ABR: variants seen among roughly 807,000 people sequenced by gnomAD.
ABR encodes ABR activator of RhoGEF and GTPase, also known as active breakpoint cluster region-related protein.
ABR carries 35 observed loss-of-function variants against 107.2 expected under a neutral mutation model. That is an observed-to-expected ratio of 0.33 (90% CI 0.25 to 0.43). The LOEUF (loss-of-function observed/expected upper bound fraction) is 0.43, where lower values mean the gene tolerates loss of function less well. ABR is among the 20% of genes least tolerant of loss of function. The pLI is 1.00. For missense variants in ABR, 815 were observed against 1,115.2 expected (o/e 0.73, Z 3.83); for synonymous variants, 498 against 462.0 (o/e 1.08, Z -1.00).
chr17:1,091,343 G>A (rs1367666887), intron 4 of ABR, among the ~76,000 whole-genome samples: 1 of 151,984 alleles, frequency 6.6e-6, no homozygotes, highest in East Asian at 1.9e-4. Flanking sequence ...GGGAGAAGGA[G>A]CACCCTCCGG....
At chr17:1,193,482 G>A (rs964204636) in intron 1 of ABR, among the ~76,000 whole-genome samples, 18 of 152,132 alleles carry the variant, frequency 1.2e-4, no homozygotes, top group African/African-American at 3.9e-4. Context: ...AGTTCACACT[G>A]CTAGTGAGTG....
At chr17:1,133,242 C>T (rs1002273413) in intron 1 of ABR, among the ~76,000 whole-genome samples, 7 of 104,902 alleles carry the variant, frequency 6.7e-5, no homozygotes, top group South Asian at 3.4e-4. Flanking sequence ...AACTCCGTCT[C>T]GAAAAAAAAA....
chr17:1,164,903 A>AT (rs1302986053), intron 1 of ABR, among the ~76,000 whole-genome samples: 3 of 152,286 alleles, frequency 2.0e-5, no homozygotes, highest in African/African-American at 7.2e-5. Context: ...CCTGGCCTCA[A>AT]GTGATCCTCC....
rs141654026 is a variant in ABR at position 1,102,200 on chromosome 17, C to T, written c.247-1465G>A. ...CTCCCCCACACGCAGGAGAACCAGC[C>T]TCCTCATCTTCAAAGGTCTCTAGCT... is the stretch of plus-strand genomic sequence containing the variant. On this transcript the variant is annotated intron_variant, in intron 2 of 22. Coordinates refer to ENST00000302538, the MANE Select transcript of ABR (RefSeq NM_021962.5). 2.5e-3 allele frequency among the ~76,000 whole-genome samples: 381 copies of T among 152,268 alleles called. 5 individuals are homozygous for T. Among genetic ancestry groups the T allele is most frequent in the Admixed American group, 0.02 (307 of 15,288 alleles).
At chr17:1,006,833 A>G (rs2070079161) in intron 22 of ABR, among the ~76,000 whole-genome samples, 1 of 32,792 alleles carries the variant, frequency 3.0e-5, no homozygotes, top group African/African-American at 1.5e-4. Context: ...GGGCGGTGCC[A>G]GGGTACCTGC....
At position 1,220,108 on chromosome 17, in the gene ABR, G is replaced by A. The variant is rs549112882; in HGVS notation, c.838+8685C>T. On this transcript the variant is annotated intron_variant, in intron 1 of 22. Transcript: ENST00000574139. ...AGATCGACACCAGCCTGGCCAACAT[G>A]GTGAAATCCCATCTCTACTCAAAAT... Among the ~76,000 whole-genome samples the A allele has an allele frequency of 6.6e-5, 10 of 152,028 alleles. 1 individual carries two copies. The highest frequency in any genetic ancestry group is 6.2e-4 in the South Asian group (3 of 4,812).
intron 5 of ABR, 43 bp downstream of exon 5, chr17:1,083,477 A>C (rs552393682): frequency 6.8e-7 from 1 of 1,475,562 alleles, no homozygotes; most frequent in East Asian, 2.3e-5. Context: ...GCAGCCCCCA[A>C]AGCTCCTTGT....
At chr17:1,100,831 A>AT (rs915084311) in intron 2 of ABR, 96 bp from the exon 3 acceptor site, 8,196 of 1,033,780 alleles carry the variant, frequency 7.9e-3, no homozygotes, top group Non-Finnish European at 9.0e-3. Context: ...CCCGACCTTT[A>AT]TTTTTTTTTT....
intron 1 of ABR, among the ~76,000 whole-genome samples, chr17:1,125,959 G>A (rs192085436): frequency 0.017 from 2,532 of 152,292 alleles, 64 homozygotes; most frequent in African/African-American, 0.058. Flanking sequence ...GCTGTGCCCA[G>A]GCCTGGCAGG....
chr17:1,038,092 C>T (rs999660378), intron 16 of ABR, among the ~76,000 whole-genome samples: 2 of 152,184 alleles, frequency 1.3e-5, no homozygotes, highest in Admixed American at 6.5e-5. Flanking sequence ...ACGTGGGGCC[C>T]ACTGGCTCAC....
At chr17:1,206,039 C>G (rs1346497645) in intron 1 of ABR, among the ~76,000 whole-genome samples, 1 of 151,496 alleles carries the variant, frequency 6.6e-6, no homozygotes, top group East Asian at 1.9e-4. Context: ...TTATTTGAAC[C>G]CAGGAGGTGG....
At chr17:1,141,258 C>A (rs1048593847) in intron 1 of ABR, among the ~76,000 whole-genome samples, 3 of 152,164 alleles carry the variant, frequency 2.0e-5, no homozygotes, top group African/African-American at 7.2e-5. Context: ...TCCCACGGGA[C>A]AAGCCACCTC....
At chr17:1,137,967 T>G (rs1334438414) in intron 1 of ABR, among the ~76,000 whole-genome samples, 1 of 151,560 alleles carries the variant, frequency 6.6e-6, no homozygotes, top group African/African-American at 2.4e-5. Context: ...GTGGCACAAT[T>G]TCGGCTCACT....
At position 1,067,224 on chromosome 17, in the gene ABR, G is replaced by T; in HGVS notation, c.1035C>A (p.Asp345Glu). The T allele has an allele frequency of 6.2e-7, 1 of 1,600,808 alleles. No individual in the cohort carries two copies. The highest frequency in any genetic ancestry group is 8.5e-7 in the Non-Finnish European group (1 of 1,174,058). ...KTSAGKHQQY[D>E]CKWYIPLADL... ...CGGCCAGGGGGATGTACCACTTACAGTCATACTGCTGGTGCTTCCTGCAAA... is the reference window on the plus strand; with the variant it reads ...CGGCCAGGGGGATGTACCACTTACATTCATACTGCTGGTGCTTCCTGCAAA... The change falls in exon 10 of 23, where the codon GAC (aspartate) becomes GAA (glutamate). Residue 345 changes from aspartate to glutamate, a missense_variant. By Grantham distance (45) the Asp-to-Glu change is conservative (BLOSUM62 2). This residue lies in a region of ABR where 385 missense variants were observed against 596.9 expected (regional missense o/e 0.64). Coordinates refer to ENST00000302538, the MANE Select transcript of ABR (RefSeq NM_021962.5).
chr17:1,217,887 G>T (rs2043043668), intron 1 of ABR, among the ~76,000 whole-genome samples: 1 of 152,190 alleles, frequency 6.6e-6, no homozygotes, highest in African/African-American at 2.4e-5. Flanking sequence ...CAGAGACGGG[G>T]TTTCACCATG....
At chr17:1,170,262 A>G (rs1039678124) in intron 1 of ABR, among the ~76,000 whole-genome samples, 2 of 152,104 alleles carry the variant, frequency 1.3e-5, no homozygotes, top group African/African-American at 2.4e-5. Context: ...AGCTAGAGAA[A>G]TGAACCCAGA....
chr17:1,174,595 T>A (rs2041857952), intron 1 of ABR, among the ~76,000 whole-genome samples: 1 of 152,180 alleles, frequency 6.6e-6, no homozygotes, highest in South Asian at 2.1e-4. Flanking sequence ...CACAAGAGAA[T>A]GAAATCGCCC....
At chr17:1,163,215 T>C (rs1252220676) in intron 1 of ABR, among the ~76,000 whole-genome samples, 1 of 152,220 alleles carries the variant, frequency 6.6e-6, no homozygotes, top group East Asian at 1.9e-4. Context: ...CCTGCAACAG[T>C]GTAGGACACA....
chr17:1,108,415 G>A (rs1245768796), intron 2 of ABR, among the ~76,000 whole-genome samples: 3 of 152,258 alleles, frequency 2.0e-5, no homozygotes, highest in Admixed American at 6.5e-5. Context: ...CCCGCCTCGG[G>A]AAGGGCACCT....
Sources: allele counts gnomAD v4.1 joint callset (sites outside exome capture counted in the v4.1 genomes callset), GRCh38; gene constraint gnomAD v4.1.1; regional missense constraint gnomAD v4.1.1; transcripts MANE v1.5; gene names NCBI Gene and HGNC (gene_info 2026-07-23, HGNC 2026-07-21).